Variants in ZNF143 observed in about 807,000 individuals in gnomAD.
ZNF143 encodes the protein zinc finger protein 143.
A neutral mutation model predicts 74.1 loss-of-function variants in ZNF143; 49 were observed. The observed-to-expected ratio is 0.66, with a 90% CI of 0.53 to 0.84. The LOEUF is 0.84. Ranked by LOEUF, ZNF143 falls within the 40% of genes least tolerant of loss-of-function variation. The probability of loss-of-function intolerance (pLI) is 0.00; values close to 1 mark genes in which losing one functional copy is unlikely to be tolerated. For missense variants in ZNF143, 637 were observed against 793.4 expected (o/e 0.80, Z 2.37); for synonymous variants, 304 against 282.8 (o/e 1.07, Z -0.75).
intron 7 of ZNF143, among the ~76,000 whole-genome samples, chr11:9,480,597 T>C (rs1160635979): frequency 2.0e-5 from 3 of 152,054 alleles, no homozygotes; most frequent in Non-Finnish European, 2.9e-5. Context: ...TGTAGAAATA[T>C]GGTTCTGGCC....
At chr11:9,522,948 T>C (rs974415730) in intron 14 of ZNF143, among the ~76,000 whole-genome samples, 6 of 151,666 alleles carry the variant, frequency 4.0e-5, no homozygotes, top group African/African-American at 1.5e-4. Flanking sequence ...TTTTTTTTTT[T>C]AGTAGAGGTG....
rs763407078 is a variant in ZNF143 at position 9,478,583 on chromosome 11, A to G, written c.567A>G (p.Ala189=). The part of the protein sequence containing the change: ...DTISALEQYA[A]KVSIDGSESV... ...TCAGTGCTTTGGAACAGTATGCAGC[A>G]AAGGTATAGCATTTCACAATGTCAA... The change falls in exon 6 of 16, where the codon GCA becomes GCG. Residue 189 remains alanine, a synonymous_variant. Coordinates refer to ENST00000396602, the MANE Select transcript of ZNF143 (RefSeq NM_003442.6). 2.5e-6 allele frequency: 4 copies of G among 1,612,986 alleles called. No individual in the cohort carries two copies. The highest frequency in any genetic ancestry group is 3.3e-5 in the Admixed American group (2 of 59,998).
chr11:9,510,193 C>T (rs1397689228), intron 12 of ZNF143, among the ~76,000 whole-genome samples: 17 of 150,516 alleles, frequency 1.1e-4, no homozygotes, highest in African/African-American at 2.7e-4. Flanking sequence ...GGTGCGATCT[C>T]GGCTCACTGC....
At chr11:9,495,931 C>T (rs559815647) in intron 8 of ZNF143, among the ~76,000 whole-genome samples, 1 of 152,214 alleles carries the variant, frequency 6.6e-6, no homozygotes, top group South Asian at 2.1e-4. Context: ...TGGATCCTTG[C>T]CTCAGATCCA....
chr11:9,487,522 T>C (rs558487127), intron 7 of ZNF143, among the ~76,000 whole-genome samples: 26 of 151,508 alleles, frequency 1.7e-4, no homozygotes, highest in African/African-American at 5.9e-4. Context: ...CACACCTGGC[T>C]AATTTTTTGT....
intron 10 of ZNF143, among the ~76,000 whole-genome samples, chr11:9,498,940 A>G (rs1271253548): frequency 6.6e-6 from 1 of 152,168 alleles, no homozygotes; most frequent in Non-Finnish European, 1.5e-5. Context: ...GTAGGTCTCT[A>G]CTTCCATCTC....
chr11:9,480,881 G>C (rs1433018076), intron 7 of ZNF143, among the ~76,000 whole-genome samples: 1 of 144,022 alleles, frequency 6.9e-6, no homozygotes, highest in Non-Finnish European at 1.5e-5. Context: ...GAACGAAACT[G>C]TCTCAAAAAA....
chr11:9,467,135 A>G (rs1335025385), intron 1 of ZNF143, among the ~76,000 whole-genome samples: 1 of 148,654 alleles, frequency 6.7e-6, no homozygotes, highest in Non-Finnish European at 1.5e-5. Context: ...CTCGTGATCC[A>G]CCCGCCTTGG....
At chr11:9,470,524 A>C (rs149830822) in intron 1 of ZNF143, among the ~76,000 whole-genome samples, 5 of 152,128 alleles carry the variant, frequency 3.3e-5, no homozygotes, top group African/African-American at 1.2e-4. Context: ...TAATGAAGAT[A>C]CTGGGGACAA....
chr11:9,473,806 A>G, intron 3 of ZNF143, 135 bp from the exon 4 acceptor site: 3 of 1,573,796 alleles, frequency 1.9e-6, no homozygotes, highest in Non-Finnish European at 2.6e-6. Context: ...GAATTGCCTC[A>G]GAACATTGAG....
At chr11:9,509,919 TTAA>T (rs1848481687) in intron 12 of ZNF143, among the ~76,000 whole-genome samples, 1 of 152,160 alleles carries the variant, frequency 6.6e-6, no homozygotes, top group Admixed American at 6.5e-5. Flanking sequence ...GTGACTACAG[TTAA>T]TAATAATGTA....
At chr11:9,478,266 C>G in intron 5 of ZNF143, 124 bp from the exon 6 acceptor site, 1 of 882,306 alleles carries the variant, frequency 1.1e-6, no homozygotes, top group Non-Finnish European at 1.7e-6. Flanking sequence ...TAACACATAT[C>G]AAGTGCGTGG....
At chr11:9,504,405 C>G (rs1430897536) in intron 11 of ZNF143, among the ~76,000 whole-genome samples, 1 of 126,640 alleles carries the variant, frequency 7.9e-6, no homozygotes, top group African/African-American at 2.5e-5. Context: ...ATCCAAGTCT[C>G]TTATTAGATA....
At chr11:9,474,436 G>A in intron 4 of ZNF143, 114 bp from the exon 5 acceptor site, 1 of 1,034,810 alleles carries the variant, frequency 9.7e-7, no homozygotes, top group Non-Finnish European at 1.5e-6. Flanking sequence ...AAAGACTCAT[G>A]AAGCAAGTAT....
intron 10 of ZNF143, among the ~76,000 whole-genome samples, chr11:9,499,830 A>G (rs1848093558): frequency 6.6e-6 from 1 of 152,216 alleles, no homozygotes; most frequent in African/African-American, 2.4e-5. Flanking sequence ...CATCCTAGAA[A>G]AGGGTACATG....
At chr11:9,469,215 CT>C (rs33968880) in intron 1 of ZNF143, among the ~76,000 whole-genome samples, 39,817 of 97,492 alleles carry the variant, frequency 0.41, 7,033 homozygotes, top group Non-Finnish European at 0.47. Flanking sequence ...CAGCAGGGGT[CT>C]TTTTTTTTTT....
chr11:9,486,870 G>C lies in ZNF143; in HGVS notation c.645+7324G>C, dbSNP rs1361095463. On this transcript the variant is annotated intron_variant, in intron 7 of 15. Transcript: ENST00000396602. ...TTTTTAATAGAGATAGGGTTTCACT[G>C]TGTTAGCCAGGATGGTCTTGATCTC... is the stretch of plus-strand genomic sequence containing the variant. Among the ~76,000 whole-genome samples the C allele has an allele frequency of 1.4e-5, 2 of 147,218 alleles. 1 individual carries two copies. The highest frequency in any genetic ancestry group is 5.1e-5 in the African/African-American group (2 of 38,894).
intron 13 of ZNF143, among the ~76,000 whole-genome samples, chr11:9,514,485 T>C (rs1393927054): frequency 1.3e-5 from 2 of 152,252 alleles, no homozygotes; most frequent in African/African-American, 4.8e-5. Context: ...CACAGTCTAG[T>C]AGGAGAGAGA....
At chr11:9,501,919 T>G (rs7942210) in intron 11 of ZNF143, among the ~76,000 whole-genome samples, 1 of 141,610 alleles carries the variant, frequency 7.1e-6, no homozygotes, top group East Asian at 2.0e-4. Flanking sequence ...GGTCTATGGA[T>G]ATATTCTTTT....
Sources: gnomAD v4.1 joint callset for allele counts (sites outside exome capture counted in the v4.1 genomes callset) on GRCh38, gnomAD v4.1.1 for gene constraint, MANE v1.5 for transcripts, NCBI Gene and HGNC (gene_info 2026-07-23, HGNC 2026-07-21) for gene names.